The following CYP51A1 variants were observed in gnomAD, a reference collection of about 807,000 sequenced individuals.
CYP51A1 encodes lanosterol 14-alpha demethylase.
In CYP51A1, 45 loss-of-function variants were observed where a neutral mutation model predicts 53.5. The ratio of observed to expected loss-of-function variants is 0.84; its 90% CI spans 0.66 to 1.08. CYP51A1 has a LOEUF of 1.08. CYP51A1 is among the 50% of genes least tolerant of loss of function. The pLI, the probability that CYP51A1 is intolerant of heterozygous loss-of-function variation, is 0.00. For missense variants in CYP51A1, 462 were observed against 621.7 expected (o/e 0.74, Z 2.73); for synonymous variants, 181 against 217.7 (o/e 0.83, Z 1.48).
At chr7:92,116,834 A>C (rs995211913) in intron 9 of CYP51A1, among the ~76,000 whole-genome samples, 1 of 152,236 alleles carries the variant, frequency 6.6e-6, no homozygotes, top group African/African-American at 2.4e-5. Context: ...GAAGTAGTGA[A>C]GCATTATATA....
chr7:92,131,752 T>A, intron 2 of CYP51A1, 22 bp downstream of exon 2: 3 of 1,103,764 alleles, frequency 2.7e-6, no homozygotes, highest in Non-Finnish European at 4.0e-6. Context: ...TTTTTTTTCC[T>A]CTAATTATTT....
intron 3 of CYP51A1, among the ~76,000 whole-genome samples, chr7:92,128,453 T>C (rs921715533): frequency 7.0e-6 from 1 of 142,646 alleles, no homozygotes; most frequent in African/African-American, 2.9e-5. Context: ...TGTGTGTGTG[T>C]GTGCGCGTGC....
chr7:92,126,559 G>T, intron 4 of CYP51A1, 132 bp from the exon 5 acceptor site: 1 of 734,050 alleles, frequency 1.4e-6, no homozygotes, highest in Non-Finnish European at 2.1e-6. Context: ...ACAGACATGT[G>T]ACTATGTACA....
At chr7:92,131,013 T>C (rs1276278318) in intron 2 of CYP51A1, among the ~76,000 whole-genome samples, 1 of 151,962 alleles carries the variant, frequency 6.6e-6, no homozygotes, top group Non-Finnish European at 1.5e-5. Context: ...CTGAACACAA[T>C]GAAAAGATGC....
chr7:92,118,111 C>A (rs1697643559), intron 8 of CYP51A1, among the ~76,000 whole-genome samples: 2 of 151,734 alleles, frequency 1.3e-5, no homozygotes, highest in Admixed American at 6.6e-5. Flanking sequence ...TTAAAAAAAT[C>A]TCTTTTATGC....
chr7:92,123,367 T>A, intron 6 of CYP51A1, 52 bp from the exon 7 acceptor site: 1 of 1,426,848 alleles, frequency 7.0e-7, no homozygotes, highest in East Asian at 2.3e-5. Context: ...ATACATTTCA[T>A]GCCTCAACCT....
chr7:92,119,679 T>C (rs1819647374), intron 7 of CYP51A1, among the ~76,000 whole-genome samples: 1 of 152,172 alleles, frequency 6.6e-6, no homozygotes, highest in Non-Finnish European at 1.5e-5. Flanking sequence ...AGTTGCCACA[T>C]TATTTTAAAT....
At position 92,134,100 on chromosome 7, in the gene CYP51A1, G is replaced by A; in HGVS notation, c.192+73C>T. On this transcript the variant is annotated intron_variant, in intron 1 of 9. Coordinates refer to ENST00000003100, the MANE Select transcript of CYP51A1 (RefSeq NM_000786.4). Reference sequence around the variant, plus strand: ...CCACTGAGCCGGTCGGGGCCACGGAGCCGCCCACGCCAGCCCTTCGGCCGC... The same window carrying A: ...CCACTGAGCCGGTCGGGGCCACGGAACCGCCCACGCCAGCCCTTCGGCCGC... 3 of 1,476,340 alleles carry A rather than the reference G, an allele frequency of 2.0e-6. No individual in the cohort carries two copies. The South Asian group carries it at 3.6e-5, about 17-fold the overall frequency. The allele number at this position is 1,476,340 out of a possible 1,614,324, so 91.5% of individuals were successfully genotyped here.
intron 7 of CYP51A1, among the ~76,000 whole-genome samples, chr7:92,122,908 G>C (rs1049840759): frequency 6.6e-6 from 1 of 152,132 alleles, no homozygotes; most frequent in East Asian, 1.9e-4. Context: ...GGATCTCTAA[G>C]CCATCAACCC....
At chr7:92,120,921 AAAG>A (rs1159767813) in intron 7 of CYP51A1, among the ~76,000 whole-genome samples, 4 of 152,228 alleles carry the variant, frequency 2.6e-5, no homozygotes, top group African/African-American at 9.6e-5. Context: ...ACATTTCTCC[AAAG>A]AAGTATACCA....
chr7:92,134,340 G>A lies in CYP51A1; in HGVS notation c.25C>T (p.Leu9=), dbSNP rs576471280. The change falls in exon 1 of 10, where the codon CTG becomes TTG. Residue 9 remains leucine, a synonymous_variant. Transcript: ENST00000003100. MAAAAGML[L]LGLLQAGGSV... ...CCACCCGCCTGCAGCAAGCCCAGCA[G>A]CAGCATCCCAGCCGCCGCCGCCATT... 1.6e-5 allele frequency: 25 copies of A among 1,589,884 alleles called. No homozygotes were observed. The African/African-American group carries it at 3.2e-4, about 21-fold the overall frequency.
Position 92,116,956 on chromosome 7 carries a change from T to G in CYP51A1, c.1351+88A>C, listed in dbSNP as rs1240840859. ...ATGTCCCTATGAGGAAAGGGAGAGA[T>G]AATTTGTAAACACAATTCGGAATAT... On this transcript the variant is annotated intron_variant, in intron 9 of 9. Transcript: ENST00000003100. 30 of 1,364,286 alleles carry G rather than the reference T, an allele frequency of 2.2e-5. No individual in the cohort carries two copies. The East Asian group carries it at 3.6e-4, about 16-fold the overall frequency. 84.5% of individuals were successfully genotyped at this position (1,364,286 alleles called of 1,614,324 possible). A position where few individuals can be genotyped will look rare whatever the true frequency, so the allele number is the denominator to read the frequency against.
At chr7:92,127,740 T>C in intron 3 of CYP51A1, 109 bp from the exon 4 acceptor site, 1 of 1,126,646 alleles carries the variant, frequency 8.9e-7, no homozygotes, top group Non-Finnish European at 1.3e-6. Flanking sequence ...GTAATGGTTT[T>C]AACCCTTTGG....
In CYP51A1 at chr7:92,123,312, A is replaced by G; in HGVS notation, c.894T>C (p.Asp298=). 3 of 1,610,844 alleles carry G rather than the reference A, an allele frequency of 1.9e-6. No individual in the cohort carries two copies. The highest frequency in any genetic ancestry group is 2.5e-6 in the Non-Finnish European group (3 of 1,178,364). ...CTTCATCATCAGTCAAAGGACGCCC[A>G]TCCCTAAGGAATGAACCAAAGACAC... ...LQTLLDATYK[D]GRPLTDDEVA... is the part of the protein sequence containing the mutation. The change falls in exon 7 of 10, where the codon GAT becomes GAC. Residue 298 remains aspartate (D), a synonymous_variant. Transcript: ENST00000003100.
intron 5 of CYP51A1, among the ~76,000 whole-genome samples, chr7:92,125,939 G>A (rs1489157578): frequency 6.7e-6 from 1 of 149,930 alleles, no homozygotes; most frequent in African/African-American, 2.5e-5. Context: ...AGACTGCAGT[G>A]AGCCGAGATC....
intron 1 of CYP51A1, 85 bp from the exon 2 acceptor site, chr7:92,131,957 C>A: frequency 2.5e-6 from 2 of 806,640 alleles, no homozygotes; most frequent in Non-Finnish European, 4.2e-6. Flanking sequence ...AACAATTAAA[C>A]AAAATAGCTA....
At chr7:92,119,143 G>A (rs1819636086) in intron 7 of CYP51A1, among the ~76,000 whole-genome samples, 1 of 152,160 alleles carries the variant, frequency 6.6e-6, no homozygotes, top group South Asian at 2.1e-4. Flanking sequence ...AAAATATTTA[G>A]CAAAAATTGT....
intron 7 of CYP51A1, among the ~76,000 whole-genome samples, chr7:92,121,907 A>T (rs898569542): frequency 6.6e-6 from 1 of 152,202 alleles, no homozygotes; most frequent in African/African-American, 2.4e-5. Context: ...TGGTTTCCCA[A>T]CTCTTAATAT....
intron 3 of CYP51A1, among the ~76,000 whole-genome samples, chr7:92,128,586 C>T (rs997028248): frequency 6.6e-6 from 1 of 151,892 alleles, no homozygotes; most frequent in African/African-American, 2.4e-5. Flanking sequence ...TGGGTTCAAG[C>T]GATTCTCATG....
Sources: allele counts gnomAD v4.1 joint callset (sites outside exome capture counted in the v4.1 genomes callset), GRCh38; gene constraint gnomAD v4.1.1; transcripts MANE v1.5; gene names NCBI Gene and HGNC (gene_info 2026-07-23, HGNC 2026-07-21).